DNAJC6: variants seen among roughly 807,000 people sequenced by gnomAD.
DNAJC6 encodes the protein DnaJ heat shock protein family (Hsp40) member C6, also known as auxilin.
DNAJC6 carries 34 observed loss-of-function variants against 110.0 expected under a neutral mutation model. That is an observed-to-expected ratio of 0.31 (90% CI 0.24 to 0.41). The LOEUF is 0.41. Among genes scored for constraint, DNAJC6 ranks in the 10% least tolerant of loss-of-function variants. DNAJC6 has a pLI of 1.00. For synonymous variants in DNAJC6, 406 were observed against 437.2 expected (o/e 0.93, Z 0.89); for missense variants, 1,031 against 1,207.8 (o/e 0.85, Z 2.17).
chr1:65,292,084 T>C (rs1273302898), intron 1 of DNAJC6, among the ~76,000 whole-genome samples: 1 of 152,184 alleles, frequency 6.6e-6, no homozygotes, highest in African/African-American at 2.4e-5. Flanking sequence ...TGGCGCGATC[T>C]CAACGCACTA....
At chr1:65,329,194 C>T (rs540879194) in intron 1 of DNAJC6, among the ~76,000 whole-genome samples, 40 of 152,258 alleles carry the variant, frequency 2.6e-4, no homozygotes, top group African/African-American at 8.9e-4. Flanking sequence ...GTGGCAAGCC[C>T]TTGTTTATGT....
chr1:65,395,594 A>C (rs1645968757), intron 13 of DNAJC6, among the ~76,000 whole-genome samples: 1 of 152,220 alleles, frequency 6.6e-6, no homozygotes, highest in Admixed American at 6.5e-5. Context: ...TTCAAAACTT[A>C]GTACAAAAAG....
chr1:65,377,128 C>T (rs1025409818), intron 4 of DNAJC6, among the ~76,000 whole-genome samples: 3 of 152,116 alleles, frequency 2.0e-5, no homozygotes, highest in African/African-American at 7.2e-5. Flanking sequence ...AGAAAATGTT[C>T]CATGTGCTAA....
chr1:65,398,938 C>T lies in DNAJC6; in HGVS notation c.2107+57C>T, dbSNP rs375891734. The T allele has an allele frequency of 5.9e-4, 921 of 1,570,858 alleles. 1 individual carries two copies. Among genetic ancestry groups the T allele is most frequent in the Non-Finnish European group, 7.7e-4 (882 of 1,143,810 alleles). On this transcript the variant is annotated intron_variant, in intron 14 of 18. Coordinates refer to ENST00000371069, the MANE Select transcript of DNAJC6 (RefSeq NM_001256864.2). ...TATAATTGCAAAAGCATAATCCTTA[C>T]CCAAGATGAAGTGAGTACTCACAGA...
At chr1:65,315,784 T>C (rs1425785001) in intron 1 of DNAJC6, among the ~76,000 whole-genome samples, 2 of 152,190 alleles carry the variant, frequency 1.3e-5, no homozygotes, top group Non-Finnish European at 2.9e-5. Flanking sequence ...ACACAGGCTC[T>C]ACTTATTCTA....
At chr1:65,309,416 C>T, upstream of DNAJC6, 1 of 418,118 alleles carries the variant, frequency 2.4e-6, no homozygotes, top group Non-Finnish European at 3.3e-6. Flanking sequence ...GGGCACTCCT[C>T]AGCCAGGAGG....
At chr1:65,360,522 AG>A (rs1645587350) in intron 1 of DNAJC6, among the ~76,000 whole-genome samples, 1 of 152,234 alleles carries the variant, frequency 6.6e-6, no homozygotes, top group Non-Finnish European at 1.5e-5. Context: ...TATATATCAA[AG>A]GGGTGTTCAG....
At chr1:65,276,467 ATCAGGCAC>A (rs1653675495) in intron 1 of DNAJC6, among the ~76,000 whole-genome samples, 1 of 152,182 alleles carries the variant, frequency 6.6e-6, no homozygotes, top group Non-Finnish European at 1.5e-5. Flanking sequence ...GATCACTTCA[ATCAGGCAC>A]TCAGTCTAAT....
intron 1 of DNAJC6, among the ~76,000 whole-genome samples, chr1:65,333,253 G>A (rs1223335649): frequency 6.6e-6 from 1 of 152,062 alleles, no homozygotes; most frequent in East Asian, 1.9e-4. Context: ...AGAGATCTTT[G>A]GATATGCTTC....
At chr1:65,308,613 T>C (rs762245577), upstream of DNAJC6, among the ~76,000 whole-genome samples, 3 of 152,212 alleles carry the variant, frequency 2.0e-5, no homozygotes, top group Non-Finnish European at 4.4e-5. Context: ...TCATGATAAA[T>C]TCTCTTCTGA....
intron 1 of DNAJC6, among the ~76,000 whole-genome samples, chr1:65,349,102 AAATAAATATG>A (rs1284950356): frequency 7.9e-6 from 1 of 126,182 alleles, no homozygotes. Flanking sequence ...ATATATATAT[AAATAAATATG>A]TAAATATATA....
intron 1 of DNAJC6, among the ~76,000 whole-genome samples, chr1:65,322,359 A>G (rs1295886629): frequency 3.9e-5 from 6 of 152,236 alleles, no homozygotes; most frequent in Non-Finnish European, 8.8e-5. Flanking sequence ...ATTCTTGCAT[A>G]TTCACATATA....
At chr1:65,401,665 C>T (rs1646031009) in intron 14 of DNAJC6, 96 bp from the exon 15 acceptor site, 2 of 1,494,878 alleles carry the variant, frequency 1.3e-6, no homozygotes, top group Non-Finnish European at 1.8e-6. Flanking sequence ...TCCTAATTTG[C>T]CTAGGAGACA....
At chr1:65,306,546 T>TC (rs1645040290), upstream of DNAJC6, 1 of 152,240 alleles carries the variant, frequency 6.6e-6, no homozygotes, top group Admixed American at 6.5e-5. Context: ...TTCCTCAGTA[T>TC]TCCTCAGTGT....
rs142978741 is a variant in DNAJC6, at chr1:65,315,130, T to C, written c.193+5192T>C. Among the ~76,000 whole-genome samples the C allele has an allele frequency of 9.8e-5, 15 of 152,352 alleles. 1 individual carries two copies. In the East Asian group the frequency reaches 2.1e-3, roughly 22 times the overall value. ...AATTATGTCTAATCCTTCTTTCACA[T>C]GGTAGCCCTTAGACAACAGATTTTT... On this transcript the variant is annotated intron_variant, in intron 1 of 18. Coordinates refer to ENST00000371069, the MANE Select transcript of DNAJC6 (RefSeq NM_001256864.2).
chr1:65,379,334 G>T, intron 4 of DNAJC6, 68 bp from the exon 5 acceptor site: 1 of 1,589,198 alleles, frequency 6.3e-7, no homozygotes, highest in African/African-American at 1.4e-5. Flanking sequence ...ATGTTGGTTG[G>T]TGTGATAACC....
At chr1:65,346,990 A>G (rs1453287371) in intron 1 of DNAJC6, among the ~76,000 whole-genome samples, 3 of 152,072 alleles carry the variant, frequency 2.0e-5, no homozygotes, top group Non-Finnish European at 4.4e-5. Flanking sequence ...TCTACTTTAT[A>G]TGCAACTTTA....
At position 65,411,266 on chromosome 1, in the gene DNAJC6, A is replaced by T. The variant is rs372226617; in HGVS notation, c.2651A>T (p.Glu884Val). 6.2e-7 allele frequency: 1 copy of T among 1,613,526 alleles called. No individual in the cohort carries two copies. The highest frequency in any genetic ancestry group is 8.5e-7 in the Non-Finnish European group (1 of 1,179,612). ...TGTTTACAGATTCTGGAATGGATTG[A>T]AGGCAAAGAAAGAAATATCAGAGCC... ...PEKLKILEWI[E>V]GKERNIRALL... is the part of the protein sequence containing the mutation. Residue 884 changes from glutamate to valine, a missense_variant, in exon 18 of 19, where the codon GAA becomes GTA. Transcript: ENST00000371069.
intron 1 of DNAJC6, among the ~76,000 whole-genome samples, chr1:65,336,241 G>T (rs1248882830): frequency 2.6e-5 from 4 of 152,052 alleles, no homozygotes; most frequent in Admixed American, 6.6e-5. Context: ...GCAAAAGGAG[G>T]AAAAGTCCCC....
Sources: gnomAD v4.1 joint callset for allele counts (sites outside exome capture counted in the v4.1 genomes callset) on GRCh38, gnomAD v4.1.1 for gene constraint, MANE v1.5 for transcripts, NCBI Gene and HGNC (gene_info 2026-07-23, HGNC 2026-07-21) for gene names.